Variants in XYLT1 observed in about 807,000 individuals in gnomAD.
XYLT1 encodes xylosyltransferase 1, also known as beta-D-xylosyltransferase 1.
XYLT1 carries 36 observed loss-of-function variants against 91.3 expected under a neutral mutation model. That is an observed-to-expected ratio of 0.39 (90% CI 0.30 to 0.52). XYLT1 has a LOEUF of 0.52. XYLT1 is among the 20% of genes least tolerant of loss of function. XYLT1 has a pLI of 0.68. For missense variants in XYLT1, 1,242 were observed against 1,284.5 expected (o/e 0.97, Z 0.51); for synonymous variants, 588 against 532.0 (o/e 1.11, Z -1.45).
intron 1 of XYLT1, among the ~76,000 whole-genome samples, chr16:17,445,536 C>T (rs1398518715): frequency 2.0e-5 from 3 of 152,168 alleles, no homozygotes; most frequent in South Asian, 4.1e-4. Flanking sequence ...AGAGAGGCCC[C>T]GGGCTCACCT....
In XYLT1 at chr16:17,106,287, G is replaced by C. The variant is rs1369218387; in HGVS notation, c.*2408C>G. On this transcript the variant is annotated 3_prime_UTR_variant, in exon 12 of 12. Coordinates refer to ENST00000261381, the MANE Select transcript of XYLT1 (RefSeq NM_022166.4). ...ACACAAAGCACTGGTGGCCCAGCAA[G>C]GAGGGTGAAAGGGAAGCTCCCAAAG... 6.6e-6 allele frequency: 1 copy of C among 152,270 alleles called. No individual in the cohort carries two copies. Among genetic ancestry groups the C allele is most frequent in the Non-Finnish European group, 1.5e-5 (1 of 68,090 alleles). 9.4% of individuals were successfully genotyped at this position (152,270 alleles called of 1,614,324 possible).
chr16:17,258,856 G>T (rs1476139946), intron 3 of XYLT1, 132 bp downstream of exon 3: 5 of 1,133,752 alleles, frequency 4.4e-6, no homozygotes, highest in Non-Finnish European at 5.8e-6. Context: ...ATCAGATCTC[G>T]TGTGCTCATC....
chr16:17,470,512 CGCCTGG>C lies in XYLT1; in HGVS notation c.279_284del (p.Gln94_Ala95del), dbSNP rs1210050000. On this transcript the variant is annotated inframe_deletion, in exon 1 of 12. Transcript: ENST00000261381. Reference sequence around the variant, plus strand: ...CTCCGGGGCCGCCTCCCCGCGCCCGCGCCTGGGGCCCCCGTCCTCCTCCTCCTCCGC... The same window carrying C: ...CTCCGGGGCCGCCTCCCCGCGCCCGCGGCCCCCGTCCTCCTCCTCCTCCGC... The C allele has an allele frequency of 4.9e-6, 6 of 1,229,400 alleles. No homozygotes were observed. The allele number at this position is 1,229,400 out of a possible 1,614,324, so 76.2% of individuals were successfully genotyped here.
chr16:17,200,434 C>A, intron 4 of XYLT1, 48 bp downstream of exon 4: 1 of 1,590,176 alleles, frequency 6.3e-7, no homozygotes. Context: ...GAGGGACGGA[C>A]AGACCCCGAA....
At chr16:17,367,136 G>A (rs1032675371) in intron 1 of XYLT1, among the ~76,000 whole-genome samples, 2 of 152,148 alleles carry the variant, frequency 1.3e-5, no homozygotes, top group Admixed American at 6.5e-5. Context: ...ACCAGAGCCC[G>A]GCTCAGTCCT....
intron 1 of XYLT1, among the ~76,000 whole-genome samples, chr16:17,389,806 CT>C (rs2035792819): frequency 6.6e-6 from 1 of 152,208 alleles, no homozygotes; most frequent in Non-Finnish European, 1.5e-5. Flanking sequence ...TCTCCACTAA[CT>C]TTTTATCCTC....
chr16:17,394,733 A>AT (rs1383625404), intron 1 of XYLT1, among the ~76,000 whole-genome samples: 4 of 152,210 alleles, frequency 2.6e-5, no homozygotes, highest in Non-Finnish European at 4.4e-5. Flanking sequence ...TGGGCACACA[A>AT]TTTAACTTCT....
chr16:17,424,685 C>G lies in XYLT1; in HGVS notation c.363+45749G>C, dbSNP rs9944336. Among the ~76,000 whole-genome samples, 15 of 151,764 alleles carry G rather than the reference C, an allele frequency of 9.9e-5. No homozygotes were observed. The East Asian group carries it at 2.9e-3, about 30-fold the overall frequency. ...GAGTTACAGACCATCCTGGTCAACA[C>G]GGTGAAACCCCGTCTTTACTAAAAA... On this transcript the variant is annotated intron_variant, in intron 1 of 11. Coordinates refer to ENST00000261381, the MANE Select transcript of XYLT1 (RefSeq NM_022166.4).
At chr16:17,269,030 C>T (rs2033849152) in intron 2 of XYLT1, among the ~76,000 whole-genome samples, 1 of 152,180 alleles carries the variant, frequency 6.6e-6, no homozygotes, top group South Asian at 2.1e-4. Flanking sequence ...GAATCATCCT[C>T]AGGGAGGAAG....
intron 2 of XYLT1, among the ~76,000 whole-genome samples, chr16:17,322,787 C>A (rs1273943408): frequency 6.6e-6 from 1 of 152,178 alleles, no homozygotes; most frequent in Non-Finnish European, 1.5e-5. Flanking sequence ...TTAAAAGAAC[C>A]CAACACTTGT....
chr16:17,267,280 T>G (rs770264970), intron 2 of XYLT1, among the ~76,000 whole-genome samples: 23 of 152,232 alleles, frequency 1.5e-4, no homozygotes, highest in Non-Finnish European at 3.2e-4. Flanking sequence ...TTAACTAATA[T>G]GTCATGCACA....
At chr16:17,260,835 C>A (rs535025227) in intron 2 of XYLT1, among the ~76,000 whole-genome samples, 2 of 152,154 alleles carry the variant, frequency 1.3e-5, no homozygotes, top group East Asian at 1.9e-4. Flanking sequence ...GTATGCAGAC[C>A]CCTGCTCTGC....
Position 17,107,639 on chromosome 16 carries a change from G to A in XYLT1, c.*1056C>T, listed in dbSNP as rs1376180063. ...CCAACAGCACCGGTGTGCAATTGACGAAGGTTTTGTGTGTCTGACCTCAGA... is the reference window on the plus strand; with the variant it reads ...CCAACAGCACCGGTGTGCAATTGACAAAGGTTTTGTGTGTCTGACCTCAGA... On this transcript the variant is annotated 3_prime_UTR_variant, in exon 12 of 12. Coordinates refer to ENST00000261381, the MANE Select transcript of XYLT1 (RefSeq NM_022166.4). The A allele has an allele frequency of 6.5e-6, 1 of 152,790 alleles. No individual in the cohort carries two copies. The highest frequency in any genetic ancestry group is 6.5e-5 in the Admixed American group (1 of 15,286). 9.5% of individuals were successfully genotyped at this position (152,790 alleles called of 1,614,324 possible).
chr16:17,450,692 C>A (rs114333829), intron 1 of XYLT1, among the ~76,000 whole-genome samples: 1,550 of 152,290 alleles, frequency 0.01, 34 homozygotes, highest in African/African-American at 0.035. Context: ...ATCCAGGTAT[C>A]CTGACTCCTG....
At chr16:17,365,247 A>T (rs1477903449) in intron 1 of XYLT1, among the ~76,000 whole-genome samples, 5 of 151,534 alleles carry the variant, frequency 3.3e-5, no homozygotes, top group Admixed American at 3.3e-4. Context: ...CTCTTTTTCA[A>T]CTCCTCCTTC....
chr16:17,313,003 TGGGAGAGAGGGCATGTCCGCCCA>T (rs1375032421), intron 2 of XYLT1, among the ~76,000 whole-genome samples: 1 of 152,190 alleles, frequency 6.6e-6, no homozygotes, highest in Non-Finnish European at 1.5e-5. Context: ...GCAGGGAAGC[TGGGAGAGAGGGCATGTCCGCCCA>T]GGGCCATGGC....
chr16:17,392,597 T>C (rs766306033), intron 1 of XYLT1, among the ~76,000 whole-genome samples: 4 of 152,118 alleles, frequency 2.6e-5, no homozygotes, highest in Non-Finnish European at 4.4e-5. Context: ...AAACCCCTTC[T>C]CTCTCAGGAC....
intron 1 of XYLT1, among the ~76,000 whole-genome samples, chr16:17,465,316 G>A (rs961785693): frequency 2.0e-5 from 3 of 152,056 alleles, no homozygotes; most frequent in Non-Finnish European, 2.9e-5. Context: ...TGAACTTCAT[G>A]AGCAAGCAGC....
At chr16:17,416,096 G>A (rs1308871759) in intron 1 of XYLT1, among the ~76,000 whole-genome samples, 2 of 152,216 alleles carry the variant, frequency 1.3e-5, no homozygotes, top group Non-Finnish European at 2.9e-5. Flanking sequence ...TTGGATCACT[G>A]TTTGCTGTGG....
Sources: gnomAD v4.1 joint callset for allele counts (sites outside exome capture counted in the v4.1 genomes callset) on GRCh38, gnomAD v4.1.1 for gene constraint, MANE v1.5 for transcripts, NCBI Gene and HGNC (gene_info 2026-07-23, HGNC 2026-07-21) for gene names.